The following OIP5 variants were observed in gnomAD, a reference collection of about 807,000 sequenced individuals.
The protein encoded by OIP5 is Opa interacting protein 5.
OIP5 carries 24 observed loss-of-function variants against 20.3 expected under a neutral mutation model. The observed-to-expected ratio is 1.18, with a 90% CI of 0.86 to 1.66. OIP5 has a LOEUF of 1.66. Among genes scored for constraint, OIP5 ranks in the 40% most tolerant of loss-of-function variants. The probability of loss-of-function intolerance (pLI) is 0.00; values close to 1 mark genes in which losing one functional copy is unlikely to be tolerated. For missense variants in OIP5, 339 were observed against 289.5 expected, an observed-to-expected ratio of 1.17 and a Z score of -1.24; for synonymous variants, 143 against 121.3, an observed-to-expected ratio of 1.18 and a Z score of -1.17.
At chr15:41,321,426 C>T (rs1244063679) in intron 2 of OIP5, among the ~76,000 whole-genome samples, 1 of 152,200 alleles carries the variant, frequency 6.6e-6, no homozygotes, top group Non-Finnish European at 1.5e-5. Flanking sequence ...GGAGGTGTAC[C>T]CAACAGCTCA....
intron 3 of OIP5, among the ~76,000 whole-genome samples, chr15:41,317,155 G>C (rs967855886): frequency 2.6e-5 from 4 of 152,090 alleles, no homozygotes; most frequent in African/African-American, 9.7e-5. Context: ...GAGGCTACAT[G>C]ATCATTATTT....
At chr15:41,332,179 G>C (rs971039775) in intron 1 of OIP5, 61 bp downstream of exon 1, 6 of 1,503,088 alleles carry the variant, frequency 4.0e-6, no homozygotes, top group African/African-American at 2.8e-5. Flanking sequence ...ACCCGGTGGA[G>C]AAAGCGGGAA....
chr15:41,320,283 C>T lies in OIP5; in HGVS notation c.390-503G>A, dbSNP rs372168021. ...CCTCTCCCTCTCCCTCCTCTCCCCACGGTCTCCCTCTCCCTCTCTTTCCAC... is the reference window on the plus strand; with the variant it reads ...CCTCTCCCTCTCCCTCCTCTCCCCATGGTCTCCCTCTCCCTCTCTTTCCAC... On this transcript the variant is annotated intron_variant, in intron 2 of 4. Transcript: ENST00000220514. Among the ~76,000 whole-genome samples, 7 of 150,632 alleles carry T rather than the reference C, an allele frequency of 4.6e-5. No homozygotes were observed. In the East Asian group the frequency reaches 5.8e-4, roughly 12 times the overall value.
At chr15:41,326,028 AG>A (rs1482063328) in intron 2 of OIP5, among the ~76,000 whole-genome samples, 2 of 147,464 alleles carry the variant, frequency 1.4e-5, no homozygotes, top group African/African-American at 2.5e-5. Context: ...TGGGTGTGGT[AG>A]GGCACACCTG....
chr15:41,329,932 C>T (rs1367613025), intron 2 of OIP5, among the ~76,000 whole-genome samples: 2 of 148,382 alleles, frequency 1.3e-5, no homozygotes, highest in East Asian at 2.1e-4. Flanking sequence ...CTCCTGACCT[C>T]GTGATCCATC....
At chr15:41,327,156 CTTA>C (rs959455654) in intron 2 of OIP5, among the ~76,000 whole-genome samples, 33 of 149,614 alleles carry the variant, frequency 2.2e-4, no homozygotes, top group Admixed American at 8.0e-4. Context: ...GTACCTGGGG[CTTA>C]TTATAGTGTT....
intron 3 of OIP5, among the ~76,000 whole-genome samples, chr15:41,314,820 C>T (rs2047779818): frequency 6.6e-6 from 1 of 151,292 alleles, no homozygotes; most frequent in Non-Finnish European, 1.5e-5. Context: ...TTAGCAGAGA[C>T]AGGGTTTCAC....
intron 2 of OIP5, among the ~76,000 whole-genome samples, chr15:41,322,850 G>A (rs1004864981): frequency 1.3e-5 from 2 of 151,908 alleles, no homozygotes; most frequent in South Asian, 2.1e-4. Context: ...CAGGAGAATC[G>A]CTTGAACCTG....
rs2047757747 is a variant in OIP5 at position 41,311,964 on chromosome 15, C to G, written c.594+1309G>C. On this transcript the variant is annotated intron_variant, in intron 4 of 4. Transcript: ENST00000220514. The stretch of plus-strand genomic sequence containing the variant: ...CTGCCTCCCAGGTTCAAGCGATTCT[C>G]CTGCCTCAGCCTCCCGAAAAGCTGG... Among the ~76,000 whole-genome samples, 3 of 142,658 alleles carry G rather than the reference C, an allele frequency of 2.1e-5. 1 individual carries two copies. In the South Asian group the frequency reaches 6.7e-4, roughly 32 times the overall value. 93.6% of individuals were successfully genotyped at this position (142,658 alleles called of 152,430 possible).
chr15:41,315,007 G>T (rs2047780729), intron 3 of OIP5, among the ~76,000 whole-genome samples: 1 of 151,136 alleles, frequency 6.6e-6, no homozygotes, highest in African/African-American at 2.4e-5. Context: ...AGCTACTTGG[G>T]AGGCTGAGTT....
chr15:41,312,380 C>T (rs1418749841), intron 4 of OIP5, among the ~76,000 whole-genome samples: 1 of 151,862 alleles, frequency 6.6e-6, no homozygotes, highest in Non-Finnish European at 1.5e-5. Flanking sequence ...AGGCTGGTCT[C>T]GAACTACTGA....
At chr15:41,329,347 G>A (rs897535498) in intron 2 of OIP5, among the ~76,000 whole-genome samples, 8 of 137,774 alleles carry the variant, frequency 5.8e-5, no homozygotes, top group Non-Finnish European at 9.1e-5. Flanking sequence ...ACGGAGTCTC[G>A]ATCTGTCGTC....
intron 2 of OIP5, among the ~76,000 whole-genome samples, chr15:41,322,312 A>G (rs1207109816): frequency 2.6e-5 from 4 of 152,242 alleles, no homozygotes; most frequent in African/African-American, 9.6e-5. Flanking sequence ...GCACTTTAAG[A>G]AAATATTTCA....
intron 2 of OIP5, among the ~76,000 whole-genome samples, chr15:41,321,067 G>A (rs80250236): frequency 0.12 from 12,537 of 107,606 alleles, 646 homozygotes; most frequent in African/African-American, 0.17. Context: ...TGTCTGAGAA[G>A]TGAGGAGCCC....
intron 4 of OIP5, among the ~76,000 whole-genome samples, chr15:41,311,794 C>G (rs2047756089): frequency 6.6e-6 from 1 of 152,040 alleles, no homozygotes; most frequent in South Asian, 2.1e-4. Flanking sequence ...GGCTGAACTC[C>G]TGACCTCATG....
At chr15:41,312,843 T>C (rs1432313775) in intron 4 of OIP5, among the ~76,000 whole-genome samples, 1 of 150,832 alleles carries the variant, frequency 6.6e-6, no homozygotes, top group Non-Finnish European at 1.5e-5. Context: ...TTAGCCAGGA[T>C]GGTCTCCATC....
intron 2 of OIP5, among the ~76,000 whole-genome samples, chr15:41,324,943 TGAG>T (rs2047852560): frequency 6.6e-6 from 1 of 152,132 alleles, no homozygotes; most frequent in Non-Finnish European, 1.5e-5. Context: ...TTAATTGGCC[TGAG>T]AAGGCAAGAC....
At chr15:41,318,113 A>T (rs981736585) in intron 3 of OIP5, among the ~76,000 whole-genome samples, 1 of 152,194 alleles carries the variant, frequency 6.6e-6, no homozygotes, top group Non-Finnish European at 1.5e-5. Context: ...TATCTACTGC[A>T]ACATTATTTT....
At chr15:41,314,065 T>G (rs1425711517) in intron 3 of OIP5, among the ~76,000 whole-genome samples, 1 of 152,102 alleles carries the variant, frequency 6.6e-6, no homozygotes, top group Non-Finnish European at 1.5e-5. Flanking sequence ...AATCCCAGTA[T>G]GAGACATAGT....
Sources: allele counts gnomAD v4.1 joint callset (sites outside exome capture counted in the v4.1 genomes callset), GRCh38; gene constraint gnomAD v4.1.1; transcripts MANE v1.5; gene names NCBI Gene and HGNC (gene_info 2026-07-23, HGNC 2026-07-21).